COL16A1: variants seen among roughly 807,000 people sequenced by gnomAD.
COL16A1 encodes the protein collagen type XVI alpha 1 chain.
COL16A1 carries 189 observed loss-of-function variants against 266.3 expected under a neutral mutation model. That is an observed-to-expected ratio of 0.71 (90% confidence interval 0.63 to 0.80). The LOEUF is 0.80. Among genes scored for constraint, COL16A1 ranks in the 30% least tolerant of loss-of-function variants. COL16A1 has a pLI of 0.00. For synonymous variants in COL16A1, 740 were observed against 782.3 expected (o/e 0.95, Z 0.90); for missense variants, 1,928 against 2,122.4 (o/e 0.91, Z 1.80).
rs1436697938 is a variant in COL16A1, at chr1:31,691,404, A to T, written c.1398+13T>A. 5 of 1,606,024 alleles carry T rather than the reference A, an allele frequency of 3.1e-6. No individual in the cohort carries two copies. Among genetic ancestry groups the T allele is most frequent in the Non-Finnish European group, 4.3e-6 (5 of 1,175,522 alleles). On this transcript the variant is annotated intron_variant, in intron 19 of 70. Transcript: ENST00000373672. ...TGAGAAAAGCACAGCAGGAGAAGCAAGGGGGTACTCACCGGGGTCCCAGGC... is the reference window on the plus strand; with the variant it reads ...TGAGAAAAGCACAGCAGGAGAAGCATGGGGGTACTCACCGGGGTCCCAGGC...
At position 31,662,642 on chromosome 1, in the gene COL16A1, C is replaced by G; in HGVS notation, c.3572G>C (p.Arg1191Pro). ...PQAEKGSEGI[R>P]GPSGLPGSPG... ...GGAGCCAGGCAGGCCTGATGGGCCT[C>G]GAATCCCTTCGCTGCCCTGGAAACC... The change falls in exon 57 of 71, where the codon CGA becomes CCA. Residue 1191 changes from arginine (R) to proline (P), a missense_variant. This residue lies in a region of COL16A1 where 1,552 missense variants were observed against 1,637.2 expected (regional missense o/e 0.95). Coordinates refer to ENST00000373672, the MANE Select transcript of COL16A1 (RefSeq NM_001856.4). 6.5e-7 allele frequency: 1 copy of G among 1,550,150 alleles called. No individual in the cohort carries two copies.
Position 31,670,963 on chromosome 1 carries a change from T to G in COL16A1, c.3151-317A>C, listed in dbSNP as rs946378406. On this transcript the variant is annotated intron_variant, in intron 48 of 70. Coordinates refer to ENST00000373672, the MANE Select transcript of COL16A1 (RefSeq NM_001856.4). The surrounding 1 kb of genome is among the most constrained non-coding windows in gnomAD (Gnocchi z 4.5). ...TTCTTTCAGCCTTGCCCACCATGCC[T>G]GCCACCCGACCTCCACCTGTCCCCC... is the stretch of plus-strand genomic sequence containing the variant. 6.6e-6 allele frequency among the ~76,000 whole-genome samples: 1 copy of G among 152,178 alleles called. No individual in the cohort carries two copies. The highest frequency in any genetic ancestry group is 2.4e-5 in the African/African-American group (1 of 41,446).
At position 31,665,558 on chromosome 1, in the gene COL16A1, C is replaced by A. The variant is rs368845633; in HGVS notation, c.3492+25G>T. The A allele has an allele frequency of 9.3e-6, 15 of 1,614,064 alleles. No individual in the cohort carries two copies. The African/African-American group carries it at 1.9e-4, about 20-fold the overall frequency. On this transcript the variant is annotated intron_variant, in intron 55 of 70. Transcript: ENST00000373672. ...CCCGATGAGACCACATCAGACAGAG[C>A]TGGCTTTGTGTCTTCTTCACTCACC... is the stretch of plus-strand genomic sequence containing the variant.
In COL16A1 at chr1:31,661,688, G is replaced by A; in HGVS notation, c.3698C>T (p.Ala1233Val). Residue 1233 changes from alanine to valine, a missense_variant, in exon 59 of 71, where the codon GCT becomes GTT. Around this residue, in one of 2 missense-constraint regions of COL16A1, gnomAD observed 1,552 missense variants for 1,637.2 expected, o/e 0.95. Transcript: ENST00000373672. ...TGGTCCCATGAGTCCAGGGGGGCCA[G>A]CAGGACCAGGGTCCCCCTAGGGAAA... ...KPGLRGDPGP[A>V]GPPGLMGPPG... 6.2e-7 allele frequency: 1 copy of A among 1,603,048 alleles called. No individual in the cohort carries two copies. The highest frequency in any genetic ancestry group is 1.1e-5 in the South Asian group (1 of 89,076).
rs530116161 is a variant in COL16A1 at position 31,699,102 on chromosome 1, A to AAACC, written c.267-500_267-497dup. On this transcript the variant is annotated intron_variant, in intron 4 of 70. Coordinates refer to ENST00000373672, the MANE Select transcript of COL16A1 (RefSeq NM_001856.4). ...AGAGCAAGACTTGGTCTCAAAAAGA[A>AAACC]AACCAACCAACCAACCAAACAAACA... Among the ~76,000 whole-genome samples, 396 of 148,270 alleles carry AAACC rather than the reference A, an allele frequency of 2.7e-3. 1 individual carries two copies. Among genetic ancestry groups the AAACC allele is most frequent in the African/African-American group, 6.8e-3 (276 of 40,566 alleles).
chr1:31,690,637 C>T (rs891988497), intron 20 of COL16A1, 64 bp from the exon 21 acceptor site: 3 of 1,583,302 alleles, frequency 1.9e-6, no homozygotes, highest in African/African-American at 2.7e-5. Context: ...TGCGTTCCCC[C>T]TTCCCCACCC....
At position 31,698,717 on chromosome 1, in the gene COL16A1, C is replaced by T. The variant is rs2148829982; in HGVS notation, c.267-111G>A. 1.3e-6 allele frequency: 2 copies of T among 1,499,480 alleles called. No homozygotes were observed. The highest frequency in any genetic ancestry group is 1.8e-6 in the Non-Finnish European group (2 of 1,119,666). The allele number at this position is 1,499,480 out of a possible 1,614,324, so 92.9% of individuals were successfully genotyped here. ...ACCCAAGACATCCACAGGCACACAT[C>T]TTCCATCATATACATTCATTCACTC... On this transcript the variant is annotated intron_variant, in intron 4 of 70. Coordinates refer to ENST00000373672, the MANE Select transcript of COL16A1 (RefSeq NM_001856.4). The surrounding 1 kb of genome is among the most constrained non-coding windows in gnomAD (Gnocchi z 4.1).
rs541304102 is a variant in COL16A1, at chr1:31,702,158, G to T, written c.36C>A (p.Leu12=). Residue 12 remains leucine, a synonymous_variant, in exon 2 of 71, where the codon CTC becomes CTA. Transcript: ENST00000373672. The part of the protein sequence containing the change: ...WVSWAPGLWL[L]GLWATFGHGA... ...CATGGCCGAAGGTAGCCCAAAGACC[G>T]AGCAGCCACAGGCCAGGAGCCCAGG... The T allele has an allele frequency of 1.1e-5, 17 of 1,613,996 alleles. No homozygotes were observed. Among genetic ancestry groups the T allele is most frequent in the Non-Finnish European group, 1.4e-5 (17 of 1,180,014 alleles).
At position 31,656,583 on chromosome 1, in the gene COL16A1, C is replaced by T. The variant is rs543919703; in HGVS notation, c.4057-139G>A. 41 of 1,337,874 alleles carry T rather than the reference C, an allele frequency of 3.1e-5. No individual in the cohort carries two copies. Among genetic ancestry groups the T allele is most frequent in the Middle Eastern group, 2.7e-4 (1 of 3,754 alleles). 82.9% of individuals were successfully genotyped at this position (1,337,874 alleles called of 1,614,324 possible). On this transcript the variant is annotated intron_variant, in intron 65 of 70. Coordinates refer to ENST00000373672, the MANE Select transcript of COL16A1 (RefSeq NM_001856.4). This position sits in a 1 kb window ranked among gnomAD's most constrained non-coding sequence, Gnocchi z 4.2. Reference sequence around the variant, plus strand: ...AGCCCAGCTCTGTGTGAGAAAGGAGCGCAGCCTCCCTGCCCAGCTGGAAGG... The same window carrying T: ...AGCCCAGCTCTGTGTGAGAAAGGAGTGCAGCCTCCCTGCCCAGCTGGAAGG...
Position 31,683,363 on chromosome 1 carries a change from G to C in COL16A1, c.2386C>G (p.Pro796Ala). 4.3e-6 allele frequency: 7 copies of C among 1,614,052 alleles called. No individual in the cohort carries two copies. The highest frequency in any genetic ancestry group is 5.9e-6 in the Non-Finnish European group (7 of 1,180,034). The change falls in exon 35 of 71, where the codon CCT becomes GCT. Residue 796 changes from proline to alanine, a missense_variant. Physicochemically the swap from Pro to Ala is conservative, Grantham distance 27 (BLOSUM62 -1). This residue lies in a region of COL16A1 where 1,552 missense variants were observed against 1,637.2 expected (regional missense o/e 0.95). Coordinates refer to ENST00000373672, the MANE Select transcript of COL16A1 (RefSeq NM_001856.4). The stretch of plus-strand genomic sequence containing the variant: ...ATGCCAGGCAAACCCGGGGCTCCAG[G>C]CTCCCCCTGCAAGTCAGAAAGGGCA... ...GRGVQGPQGE[P>A]GAPGLPGIQG...
chr1:31,679,179 G>A (rs935859438), intron 42 of COL16A1: 4 of 465,726 alleles, frequency 8.6e-6, no homozygotes, highest in Non-Finnish European at 1.5e-5. Flanking sequence ...TATTTATCTT[G>A]CTTATTGTCT....
intron 9 of COL16A1, 125 bp downstream of exon 9, chr1:31,695,963 G>A (rs1448736266): frequency 4.8e-6 from 5 of 1,035,064 alleles, no homozygotes; most frequent in East Asian, 4.8e-5. Flanking sequence ...CATGTCCTAA[G>A]CTCTGTCCAG....
chr1:31,653,157 A>G (rs1278694990), intron 70 of COL16A1, among the ~76,000 whole-genome samples: 1 of 152,246 alleles, frequency 6.6e-6, no homozygotes, highest in African/African-American at 2.4e-5. Flanking sequence ...ACACAGGCTC[A>G]GAGAGGTTGC....
At position 31,668,947 on chromosome 1, in the gene COL16A1, A is replaced by C. The variant is rs1642395908; in HGVS notation, c.3196-92T>G. The C allele has an allele frequency of 8.9e-7, 1 of 1,122,996 alleles. No individual in the cohort carries two copies. Among genetic ancestry groups the C allele is most frequent in the African/African-American group, 1.6e-5 (1 of 61,768 alleles). 69.6% of individuals were successfully genotyped at this position (1,122,996 alleles called of 1,614,324 possible). On this transcript the variant is annotated intron_variant, in intron 49 of 70. Transcript: ENST00000373672. The surrounding 1 kb of genome is among the most constrained non-coding windows in gnomAD (Gnocchi z 5.8). Reference sequence around the variant, plus strand: ...CCCTGCCCCACTGCCTTCTGTTCCCACTCCAGGCAAATATGGAGGCCATAG... The same window carrying C: ...CCCTGCCCCACTGCCTTCTGTTCCCCCTCCAGGCAAATATGGAGGCCATAG...
Position 31,698,922 on chromosome 1 carries a change from C to T in COL16A1, c.267-316G>A, listed in dbSNP as rs538530155. Among the ~76,000 whole-genome samples, 651 of 152,124 alleles carry T rather than the reference C, an allele frequency of 4.3e-3. 6 individuals are homozygous for T. Among genetic ancestry groups the T allele is most frequent in the African/African-American group, 0.015 (626 of 41,492 alleles). On this transcript the variant is annotated intron_variant, in intron 4 of 70. Transcript: ENST00000373672. The surrounding 1 kb of genome is among the most constrained non-coding windows in gnomAD (Gnocchi z 4.1). ...CAGCCTGGGCAGCATGGTGAAACAC[C>T]GTCTCTACTAAAAATACAAAAAATT...
At chr1:31,679,153 C>T in intron 42 of COL16A1, 1 of 390,944 alleles carries the variant, frequency 2.6e-6, no homozygotes, top group Non-Finnish European at 4.6e-6. Flanking sequence ...CACTTTCTAA[C>T]ACACTATATT....
At chr1:31,666,499 G>A (rs1204572423) in intron 52 of COL16A1, 2 of 239,284 alleles carry the variant, frequency 8.4e-6, no homozygotes, top group Non-Finnish European at 1.6e-5. Context: ...CTCATCTTCC[G>A]CCTTGCTCAG....
intron 59 of COL16A1, 26 bp downstream of exon 59, chr1:31,661,634 C>G: frequency 1.2e-6 from 2 of 1,613,912 alleles, no homozygotes; most frequent in Non-Finnish European, 1.7e-6. Context: ...TCGCAGCTTC[C>G]AACTCCTTCC....
chr1:31,667,258 G>T (rs988203083), intron 52 of COL16A1, among the ~76,000 whole-genome samples: 1 of 152,232 alleles, frequency 6.6e-6, no homozygotes, highest in African/African-American at 2.4e-5. Flanking sequence ...TCAACGTGGG[G>T]CCTGGCAGGC....
Sources: gnomAD v4.1 joint callset for allele counts (sites outside exome capture counted in the v4.1 genomes callset) on GRCh38, gnomAD v4.1.1 for gene constraint, gnomAD v4.1.1 regional missense constraint, Gnocchi (gnomAD v3.1) non-coding constraint, MANE v1.5 for transcripts, NCBI Gene and HGNC (gene_info 2026-07-23, HGNC 2026-07-21) for gene names.